Variants in MANBAL observed in about 807,000 individuals in gnomAD.
MANBAL encodes protein MANBAL.
In MANBAL, 1 loss-of-function variant was observed where a neutral mutation model predicts 6.4. That is an observed-to-expected ratio of 0.16 (90% CI 0.06 to 0.74). The LOEUF is 0.74. MANBAL is among the 30% of genes least tolerant of loss of function. The pLI is 0.78. For missense variants in MANBAL, 100 were observed against 107.8 expected (o/e 0.93, Z 0.32); for synonymous variants, 47 against 45.8 (o/e 1.03, Z -0.10).
At chr20:37,316,226 C>G in intron 2 of MANBAL, 82 bp from the exon 3 acceptor site, 1 of 1,303,476 alleles carries the variant, frequency 7.7e-7, no homozygotes, top group East Asian at 2.4e-5. Context: ...TGGCATGCTT[C>G]TTTGCTTTCA....
At chr20:37,295,062 A>G (rs908782155) in intron 1 of MANBAL, among the ~76,000 whole-genome samples, 1 of 152,238 alleles carries the variant, frequency 6.6e-6, no homozygotes, top group African/African-American at 2.4e-5. Flanking sequence ...GGAGCAGGAC[A>G]GGGCTAGAGA....
chr20:37,297,692 G>C (rs1040620070), intron 1 of MANBAL, among the ~76,000 whole-genome samples: 1 of 151,864 alleles, frequency 6.6e-6, no homozygotes, highest in Non-Finnish European at 1.5e-5. Flanking sequence ...GCCCAGGCTG[G>C]AGTGCAGTGG....
rs561099126 is a variant in MANBAL, at chr20:37,293,787, G to C, written c.-57+4101G>C. 1.0e-3 allele frequency among the ~76,000 whole-genome samples: 155 copies of C among 152,302 alleles called. 1 individual carries two copies. The highest frequency in any genetic ancestry group is 3.4e-3 in the African/African-American group (143 of 41,556). ...TTATCAGCTAGAGTACAGTGTGTAC[G>C]TGCAGTTCCTTTTGCCTTCAGTCTT... On this transcript the variant is annotated intron_variant, in intron 1 of 2. Coordinates refer to ENST00000373606, the MANE Select transcript of MANBAL (RefSeq NM_001003897.2).
chr20:37,311,702 G>C (rs1182140709), intron 2 of MANBAL, among the ~76,000 whole-genome samples: 1 of 152,096 alleles, frequency 6.6e-6, no homozygotes, highest in Non-Finnish European at 1.5e-5. Flanking sequence ...GGTCAGGCTG[G>C]TCTTGAACTC....
At chr20:37,314,678 G>A (rs1057167843) in intron 2 of MANBAL, among the ~76,000 whole-genome samples, 1 of 152,244 alleles carries the variant, frequency 6.6e-6, no homozygotes, top group Non-Finnish European at 1.5e-5. Flanking sequence ...TGGCTGGGGA[G>A]GGGAAGCCCT....
intron 1 of MANBAL, among the ~76,000 whole-genome samples, chr20:37,290,848 A>G (rs2068850373): frequency 6.6e-6 from 1 of 152,226 alleles, no homozygotes; most frequent in Non-Finnish European, 1.5e-5. Context: ...GAGGCAAGAT[A>G]TCCTTCCTCC....
At chr20:37,290,705 C>T (rs1350144610) in intron 1 of MANBAL, among the ~76,000 whole-genome samples, 3 of 152,084 alleles carry the variant, frequency 2.0e-5, no homozygotes, top group African/African-American at 7.3e-5. Flanking sequence ...GTGATCCACC[C>T]GCCTCGGCCT....
intron 2 of MANBAL, chr20:37,302,258 TC>T: frequency 6.4e-7 from 1 of 1,550,632 alleles, no homozygotes; most frequent in South Asian, 1.2e-5. Flanking sequence ...GTTTCTCTGT[TC>T]CCTGTGTTTC....
rs1467923740 is a variant in MANBAL at position 37,316,551 on chromosome 20, A to G, written c.*136A>G. On this transcript the variant is annotated 3_prime_UTR_variant, in exon 3 of 3. Transcript: ENST00000373606. Reference sequence around the variant, plus strand: ...TGACGCCCTATGACCGCAGAGATCTAGACAGTCGTAACAGTCCCCAGGCTC... The same window carrying G: ...TGACGCCCTATGACCGCAGAGATCTGGACAGTCGTAACAGTCCCCAGGCTC... 4 of 658,160 alleles carry G rather than the reference A, an allele frequency of 6.1e-6. No individual in the cohort carries two copies. In the Admixed American group the frequency reaches 1.2e-4, roughly 20 times the overall value. 40.8% of individuals were successfully genotyped at this position (658,160 alleles called of 1,614,324 possible). A position where few individuals can be genotyped will look rare whatever the true frequency, so the allele number is the denominator to read the frequency against.
intron 1 of MANBAL, among the ~76,000 whole-genome samples, chr20:37,292,490 G>C (rs1175329458): frequency 6.6e-6 from 1 of 152,032 alleles, no homozygotes. Flanking sequence ...TTAGTAGAGA[G>C]AGTTTCACCA....
chr20:37,303,154 A>T (rs2069176197), intron 2 of MANBAL, among the ~76,000 whole-genome samples: 1 of 152,172 alleles, frequency 6.6e-6, no homozygotes, highest in African/African-American at 2.4e-5. Flanking sequence ...CAAGCCATCC[A>T]CTTGCCTTGA....
At chr20:37,293,344 G>A (rs2068916037) in intron 1 of MANBAL, among the ~76,000 whole-genome samples, 1 of 152,120 alleles carries the variant, frequency 6.6e-6, no homozygotes, top group Non-Finnish European at 1.5e-5. Context: ...CAGATCATCA[G>A]GCATTAGATT....
In MANBAL at chr20:37,317,120, T is replaced by C. The variant is rs1406049957; in HGVS notation, c.*705T>C. 6.5e-6 allele frequency: 1 copy of C among 152,736 alleles called. No homozygotes were observed. The highest frequency in any genetic ancestry group is 1.9e-4 in the East Asian group (1 of 5,194). 9.5% of individuals were successfully genotyped at this position (152,736 alleles called of 1,614,324 possible). A position where few individuals can be genotyped will look rare whatever the true frequency, so the allele number is the denominator to read the frequency against. On this transcript the variant is annotated 3_prime_UTR_variant, in exon 3 of 3. Transcript: ENST00000373606. ...CTCGTCAATTTCAGACCAACCTCTTTTCAACCCATCATAGCACGTTCAAGG... is the reference window on the plus strand; with the variant it reads ...CTCGTCAATTTCAGACCAACCTCTTCTCAACCCATCATAGCACGTTCAAGG...
intron 2 of MANBAL, among the ~76,000 whole-genome samples, chr20:37,301,623 T>C (rs1215097004): frequency 1.3e-5 from 2 of 152,260 alleles, no homozygotes; most frequent in Non-Finnish European, 1.5e-5. Context: ...ATTTAGTGCC[T>C]ACTACATTTC....
intron 2 of MANBAL, among the ~76,000 whole-genome samples, chr20:37,305,792 G>A (rs2069245626): frequency 6.6e-6 from 1 of 151,664 alleles, no homozygotes; most frequent in Non-Finnish European, 1.5e-5. Context: ...GTTATACAGG[G>A]GGTTCTGTCG....
intron 1 of MANBAL, among the ~76,000 whole-genome samples, chr20:37,295,574 G>A (rs928791328): frequency 5.9e-5 from 9 of 152,158 alleles, no homozygotes; most frequent in African/African-American, 9.7e-5. Flanking sequence ...GTTTGAAAAC[G>A]ATTGACATAC....
chr20:37,292,015 C>T lies in MANBAL; in HGVS notation c.-57+2329C>T, dbSNP rs573871581. Among the ~76,000 whole-genome samples, 13 of 152,346 alleles carry T rather than the reference C, an allele frequency of 8.5e-5. No homozygotes were observed. The South Asian group carries it at 2.1e-3, about 24-fold the overall frequency. The stretch of plus-strand genomic sequence containing the variant: ...TTCTCATCACATCATATCAAGGGTA[C>T]ATACTATCGATATGAGTTATCATTG... On this transcript the variant is annotated intron_variant, in intron 1 of 2. Transcript: ENST00000373606.
At chr20:37,316,166 G>T (rs1026624172) in intron 2 of MANBAL, 142 bp from the exon 3 acceptor site, 1 of 729,824 alleles carries the variant, frequency 1.4e-6, no homozygotes. Context: ...TCCCACATCC[G>T]TGTGGGTGGT....
chr20:37,307,396 G>A (rs532891020), intron 2 of MANBAL, among the ~76,000 whole-genome samples: 1 of 152,336 alleles, frequency 6.6e-6, no homozygotes, highest in African/African-American at 2.4e-5. Context: ...GATGTGTTAA[G>A]TTTGAAATAA....
Sources: allele counts gnomAD v4.1 joint callset (sites outside exome capture counted in the v4.1 genomes callset), GRCh38; gene constraint gnomAD v4.1.1; transcripts MANE v1.5; gene names NCBI Gene and HGNC (gene_info 2026-07-23, HGNC 2026-07-21).